Variants in CRIM1 observed in about 807,000 individuals in gnomAD.
CRIM1 encodes cysteine rich transmembrane BMP regulator 1.
A neutral mutation model predicts 116.4 loss-of-function variants in CRIM1; 32 were observed. The observed-to-expected ratio is 0.27, with a 90% CI of 0.21 to 0.37. The LOEUF is 0.37. CRIM1 is among the 10% of genes least tolerant of loss of function. The pLI is 1.00. For synonymous variants in CRIM1, 590 were observed against 509.2 expected (o/e 1.16, Z -2.13); for missense variants, 1,331 against 1,354.8 (o/e 0.98, Z 0.28).
At chr2:36,544,180 A>G (rs1168211965) in intron 14 of CRIM1, among the ~76,000 whole-genome samples, 196 bp from the exon 15 acceptor site, 6 of 152,204 alleles carry the variant, frequency 3.9e-5, no homozygotes, top group African/African-American at 7.2e-5. Flanking sequence ...TTTAAATGTT[A>G]TAAGACATGT....
chr2:36,461,093 A>G (rs960296739), intron 4 of CRIM1, among the ~76,000 whole-genome samples: 2 of 152,230 alleles, frequency 1.3e-5, no homozygotes, highest in Admixed American at 1.3e-4. Flanking sequence ...AGAAAGTGAT[A>G]CATAAAATGA....
At chr2:36,387,828 C>A (rs1349601844) in intron 1 of CRIM1, among the ~76,000 whole-genome samples, 1 of 152,148 alleles carries the variant, frequency 6.6e-6, no homozygotes, top group Non-Finnish European at 1.5e-5. Context: ...TTCTCAAGAA[C>A]CAGTTTTTTA....
chr2:36,530,289 A>G (rs1666022980), intron 13 of CRIM1, among the ~76,000 whole-genome samples: 2 of 152,070 alleles, frequency 1.3e-5, no homozygotes, highest in South Asian at 4.1e-4. Context: ...AAAATCAGTC[A>G]TCATCTTCTG....
intron 4 of CRIM1, among the ~76,000 whole-genome samples, chr2:36,462,322 T>C (rs1358479509): frequency 1.3e-5 from 2 of 152,240 alleles, no homozygotes; most frequent in Non-Finnish European, 2.9e-5. Context: ...TATATGTCTA[T>C]AAGAAACTTG....
intron 14 of CRIM1, among the ~76,000 whole-genome samples, chr2:36,542,594 T>C (rs1276766996): frequency 2.6e-5 from 4 of 152,206 alleles, no homozygotes; most frequent in Non-Finnish European, 5.9e-5. Flanking sequence ...TTTACAGGTT[T>C]GTTGGAATTG....
intron 7 of CRIM1, among the ~76,000 whole-genome samples, chr2:36,484,093 A>T (rs771008537): frequency 5.9e-5 from 9 of 152,156 alleles, no homozygotes; most frequent in Non-Finnish European, 1.0e-4. Context: ...TGTCAGCCTC[A>T]TGGGCCTTCC....
chr2:36,396,611 CA>C lies in CRIM1; in HGVS notation c.332-2del. On this transcript the variant is annotated splice_acceptor_variant, in intron 1 of 16. Coordinates refer to ENST00000280527, the MANE Select transcript of CRIM1 (RefSeq NM_016441.3). LOFTEE classifies it high-confidence loss of function. ...CATTATCTGGTTGTTAATTGTTTTA[CA>C]GATGAGAACTGGACTGATGACCAAC... 6.5e-7 allele frequency: 1 copy of C among 1,545,572 alleles called. No individual in the cohort carries two copies. Among genetic ancestry groups the C allele is most frequent in the East Asian group, 2.3e-5 (1 of 43,348 alleles).
At chr2:36,375,030 C>T (rs1373655348) in intron 1 of CRIM1, among the ~76,000 whole-genome samples, 1 of 151,124 alleles carries the variant, frequency 6.6e-6, no homozygotes, top group Non-Finnish European at 1.5e-5. Context: ...TATTATATTG[C>T]AGATGTTTAC....
chr2:36,470,187 A>G (rs959010369), intron 5 of CRIM1, among the ~76,000 whole-genome samples: 1 of 152,220 alleles, frequency 6.6e-6, no homozygotes, highest in African/African-American at 2.4e-5. Context: ...ACTAGCCTGA[A>G]TGAACAGATG....
chr2:36,374,108 A>G (rs1670136834), intron 1 of CRIM1, among the ~76,000 whole-genome samples: 1 of 152,248 alleles, frequency 6.6e-6, no homozygotes, highest in African/African-American at 2.4e-5. Context: ...CAAGAAAGGT[A>G]GACTCAAAAA....
At chr2:36,426,920 G>C (rs1320998066) in intron 2 of CRIM1, among the ~76,000 whole-genome samples, 1 of 152,090 alleles carries the variant, frequency 6.6e-6, no homozygotes, top group South Asian at 2.1e-4. Flanking sequence ...GTAAGAAAAG[G>C]AGCCGTGCGC....
intron 12 of CRIM1, among the ~76,000 whole-genome samples, chr2:36,519,896 A>G (rs1002424510): frequency 1.4e-4 from 20 of 144,134 alleles, no homozygotes; most frequent in African/African-American, 5.2e-4. Flanking sequence ...GGAAAAAAGC[A>G]TGGCAGAGAA....
chr2:36,409,994 A>G (rs979417033), intron 2 of CRIM1, among the ~76,000 whole-genome samples: 1 of 152,212 alleles, frequency 6.6e-6, no homozygotes, highest in Non-Finnish European at 1.5e-5. Flanking sequence ...TTGGTTGATG[A>G]TACATGCAAA....
chr2:36,447,324 T>C (rs1676322228), intron 4 of CRIM1, among the ~76,000 whole-genome samples: 1 of 152,218 alleles, frequency 6.6e-6, no homozygotes, highest in South Asian at 2.1e-4. Context: ...CCAAGAAATA[T>C]ATCGGGGAAT....
chr2:36,507,870 G>T (rs1003830012), intron 8 of CRIM1, among the ~76,000 whole-genome samples: 3 of 152,200 alleles, frequency 2.0e-5, no homozygotes, highest in African/African-American at 7.2e-5. Context: ...AGGTGCTCAG[G>T]CTCCAAAATT....
chr2:36,393,580 C>G (rs918894782), intron 1 of CRIM1, among the ~76,000 whole-genome samples: 9 of 152,038 alleles, frequency 5.9e-5, no homozygotes, highest in African/African-American at 2.2e-4. Context: ...CATAAAACCA[C>G]TATGGTAGGG....
intron 5 of CRIM1, among the ~76,000 whole-genome samples, chr2:36,469,035 A>G (rs1272260508): frequency 6.6e-6 from 1 of 152,222 alleles, no homozygotes; most frequent in Non-Finnish European, 1.5e-5. Flanking sequence ...ACTACCAGAA[A>G]TATTTTTAGC....
Position 36,386,976 on chromosome 2 carries a change from G to A in CRIM1, c.332-9638G>A, listed in dbSNP as rs554764946. ...GTCACTAAGTCTTACTGGAGGAAGAGGAAGGCATGGCAGAGATGAGGTTGA... is the reference window on the plus strand; with the variant it reads ...GTCACTAAGTCTTACTGGAGGAAGAAGAAGGCATGGCAGAGATGAGGTTGA... On this transcript the variant is annotated intron_variant, in intron 1 of 16. Transcript: ENST00000280527. Among the ~76,000 whole-genome samples, 4 of 152,316 alleles carry A rather than the reference G, an allele frequency of 2.6e-5. No individual in the cohort carries two copies. In the South Asian group the frequency reaches 8.3e-4, roughly 32 times the overall value.
chr2:36,549,525 C>T lies in CRIM1; in HGVS notation c.*824C>T, dbSNP rs1435391040. 2 of 152,190 alleles carry T rather than the reference C, an allele frequency of 1.3e-5. No homozygotes were observed. The highest frequency in any genetic ancestry group is 2.9e-5 in the Non-Finnish European group (2 of 67,964). 9.4% of individuals were successfully genotyped at this position (152,190 alleles called of 1,614,324 possible). On this transcript the variant is annotated 3_prime_UTR_variant, in exon 17 of 17. Transcript: ENST00000280527. ...AGAGGAGGGAGAGGGTGACGAACAC[C>T]AGGCATTTCCAGGGGCTATATTTCA...
Sources: gnomAD v4.1 joint callset for allele counts (sites outside exome capture counted in the v4.1 genomes callset) on GRCh38, gnomAD v4.1.1 for gene constraint, MANE v1.5 for transcripts, NCBI Gene and HGNC (gene_info 2026-07-23, HGNC 2026-07-21) for gene names.